Variants in SAMD12 observed in about 807,000 individuals in gnomAD.
SAMD12 encodes the protein sterile alpha motif domain containing 12, also known as sterile alpha motif domain-containing protein 12.
Under a neutral mutation model 15.0 loss-of-function variants are expected in SAMD12, and 9 were observed. That is an observed-to-expected ratio of 0.60 (90% CI 0.36 to 1.05). SAMD12 has a LOEUF of 1.05. SAMD12 is among the 50% of genes least tolerant of loss of function. SAMD12 has a pLI of 0.01. For missense variants in SAMD12, 230 were observed against 234.2 expected, an observed-to-expected ratio of 0.98 and a Z score of 0.12; for synonymous variants, 86 against 90.1, an observed-to-expected ratio of 0.96 and a Z score of 0.25.
chr8:118,191,842 A>AGG (rs1563686734), exon 5 of SAMD12: 2 of 131,692 alleles, frequency 1.5e-5, no homozygotes, highest in African/African-American at 2.7e-5. Context: ...AGAGAGAGAG[A>AGG]GAGAGAGAGT....
chr8:118,233,537 C>G (rs1812359692), intron 4 of SAMD12, among the ~76,000 whole-genome samples: 1 of 152,106 alleles, frequency 6.6e-6, no homozygotes, highest in Admixed American at 6.6e-5. Context: ...TCAGTTTTCT[C>G]TCACCTGTAA....
At chr8:118,422,112 A>G (rs1307848552) in intron 3 of SAMD12, among the ~76,000 whole-genome samples, 1 of 152,228 alleles carries the variant, frequency 6.6e-6, no homozygotes, top group African/African-American at 2.4e-5. Flanking sequence ...TTATCAACAG[A>G]AATGAAGAAA....
intron 2 of SAMD12, among the ~76,000 whole-genome samples, chr8:118,448,119 C>T (rs1012129436): frequency 6.6e-6 from 1 of 152,142 alleles, no homozygotes; most frequent in Non-Finnish European, 1.5e-5. Flanking sequence ...CCAACTATGT[C>T]TGTGTTTTTC....
intron 4 of SAMD12, among the ~76,000 whole-genome samples, chr8:118,334,002 G>A (rs1209197382): frequency 6.6e-6 from 1 of 151,246 alleles, no homozygotes; most frequent in East Asian, 1.9e-4. Flanking sequence ...TGTGGGAGGG[G>A]AGTGTCCCAC....
At position 118,602,205 on chromosome 8, in the gene SAMD12, T is replaced by C. The variant is rs77205875; in HGVS notation, c.13+19599A>G. Among the ~76,000 whole-genome samples the C allele has an allele frequency of 3.8e-3, 576 of 152,308 alleles. 2 individuals are homozygous for C. The highest frequency in any genetic ancestry group is 0.034 in the East Asian group (174 of 5,180). Reference sequence around the variant, plus strand: ...ACCTCTCTTTCAGGGCTGAAGGTATTTCGGTTTGCACAACTGCCTTTGTCA... The same window carrying C: ...ACCTCTCTTTCAGGGCTGAAGGTATCTCGGTTTGCACAACTGCCTTTGTCA... On this transcript the variant is annotated intron_variant, in intron 1 of 3. Coordinates refer to ENST00000314727, the MANE Select transcript of SAMD12 (RefSeq NM_207506.3).
chr8:118,533,498 T>A (rs1825747547), intron 2 of SAMD12, among the ~76,000 whole-genome samples: 1 of 152,220 alleles, frequency 6.6e-6, no homozygotes, highest in Non-Finnish European at 1.5e-5. Context: ...ACATCCTTAT[T>A]AACTTTCTGT....
intron 1 of SAMD12, among the ~76,000 whole-genome samples, chr8:118,590,181 A>G (rs1210974764): frequency 6.6e-6 from 1 of 152,244 alleles, no homozygotes; most frequent in East Asian, 1.9e-4. Flanking sequence ...GAGACAGCCT[A>G]GCAAGGTAGG....
At chr8:118,481,218 G>C (rs1255603612) in intron 2 of SAMD12, among the ~76,000 whole-genome samples, 1 of 152,084 alleles carries the variant, frequency 6.6e-6, no homozygotes, top group Non-Finnish European at 1.5e-5. Context: ...GCCTCCCAAA[G>C]TGCTAAGATT....
intron 4 of SAMD12, among the ~76,000 whole-genome samples, chr8:118,260,570 C>A (rs1813053075): frequency 6.6e-6 from 1 of 152,094 alleles, no homozygotes. Flanking sequence ...TGCCTTGCTG[C>A]ATGCCCTGGA....
intron 4 of SAMD12, among the ~76,000 whole-genome samples, chr8:118,300,361 T>C (rs761023199): frequency 1.4e-4 from 22 of 152,212 alleles, no homozygotes; most frequent in Non-Finnish European, 3.1e-4. Flanking sequence ...ATTTTTTGTT[T>C]CTGTGAAATC....
intron 4 of SAMD12, among the ~76,000 whole-genome samples, chr8:118,259,329 T>C (rs1422595927): frequency 6.6e-6 from 1 of 152,124 alleles, no homozygotes; most frequent in Non-Finnish European, 1.5e-5. Context: ...GTTTGACAAT[T>C]TTGCCCTCCA....
At chr8:118,155,009 C>T in the SAMD12 span, among the ~76,000 whole-genome samples, 2 of 152,268 alleles carry the variant, frequency 1.3e-5, no homozygotes, top group African/African-American at 4.8e-5. Flanking sequence ...CCTTGGGTGA[C>T]ACTGTTAGCA....
intron 3 of SAMD12, among the ~76,000 whole-genome samples, chr8:118,419,531 C>T (rs573077511): frequency 6.6e-6 from 1 of 152,258 alleles, no homozygotes; most frequent in South Asian, 2.1e-4. Context: ...AAGTGGCTTC[C>T]CTTTTATATT....
rs142912070 is a variant in SAMD12 at position 118,430,775 on chromosome 8, TAC to T, written c.322+9055_322+9056del. ...TGTAATACATCTTTCTCCAATACTT[TAC>T]TTTTAACCTGAGTACTTAAAGTGTG... On this transcript the variant is annotated intron_variant, in intron 3 of 3. Transcript: ENST00000314727. Among the ~76,000 whole-genome samples, 658 of 152,346 alleles carry T rather than the reference TAC, an allele frequency of 4.3e-3. 6 individuals are homozygous for T. Among genetic ancestry groups the T allele is most frequent in the African/African-American group, 0.015 (632 of 41,584 alleles).
At chr8:118,480,615 C>T (rs2130988905) in intron 2 of SAMD12, among the ~76,000 whole-genome samples, 1 of 152,210 alleles carries the variant, frequency 6.6e-6, no homozygotes, top group South Asian at 2.1e-4. Context: ...CCTAACTGGT[C>T]CCCCTTCACT....
chr8:118,316,413 T>TA (rs1047390010), intron 4 of SAMD12, among the ~76,000 whole-genome samples: 1 of 147,836 alleles, frequency 6.8e-6, no homozygotes, highest in Non-Finnish European at 1.5e-5. Flanking sequence ...TGCATGCCTG[T>TA]AAGTCCCAGC....
chr8:118,266,031 G>T (rs1444363160), intron 4 of SAMD12, among the ~76,000 whole-genome samples: 1 of 152,112 alleles, frequency 6.6e-6, no homozygotes, highest in African/African-American at 2.4e-5. Flanking sequence ...CCAAAGGGCT[G>T]AGGAGGCCTC....
At chr8:118,298,685 A>G (rs1814856592) in intron 4 of SAMD12, among the ~76,000 whole-genome samples, 1 of 152,198 alleles carries the variant, frequency 6.6e-6, no homozygotes, top group African/African-American at 2.4e-5. Context: ...AGGCATAGAG[A>G]TGTTCATCCC....
intron 4 of SAMD12, chr8:118,291,288 A>C (rs910930596): frequency 7.2e-5 from 11 of 152,152 alleles, no homozygotes; most frequent in African/African-American, 2.7e-4. Context: ...GTCCCCATCC[A>C]GGCCTGCAGG....
Sources: allele counts gnomAD v4.1 joint callset (sites outside exome capture counted in the v4.1 genomes callset), GRCh38; gene constraint gnomAD v4.1.1; transcripts MANE v1.5; gene names NCBI Gene and HGNC (gene_info 2026-07-23, HGNC 2026-07-21).